Variants in GPC5 observed in about 807,000 individuals in gnomAD.
GPC5 encodes glypican-5.
A neutral mutation model predicts 53.9 loss-of-function variants in GPC5; 47 were observed. The ratio of observed to expected loss-of-function variants is 0.87; its 90% CI spans 0.69 to 1.11. The LOEUF (loss-of-function observed/expected upper bound fraction) is 1.11. GPC5 is among the 50% of genes most tolerant of loss of function. The probability of loss-of-function intolerance (pLI) is 0.00; values close to 1 mark genes in which losing one functional copy is unlikely to be tolerated. For synonymous variants in GPC5, 286 were observed against 263.3 expected (o/e 1.09, Z -0.84); for missense variants, 748 against 713.1 (o/e 1.05, Z -0.56).
intron 7 of GPC5, among the ~76,000 whole-genome samples, chr13:92,458,362 G>A (rs1038306632): frequency 1.3e-5 from 2 of 151,936 alleles, no homozygotes; most frequent in Non-Finnish European, 2.9e-5. Flanking sequence ...GCAGTGGCGC[G>A]ATCTTGACTC....
intron 7 of GPC5, among the ~76,000 whole-genome samples, chr13:92,346,956 G>T (rs142736625): frequency 1.2e-4 from 19 of 152,158 alleles, no homozygotes; most frequent in African/African-American, 4.3e-4. Context: ...AAAAATCAGT[G>T]AGCTGGAAAA....
chr13:92,340,813 C>T (rs947473628), intron 7 of GPC5, among the ~76,000 whole-genome samples: 4 of 152,032 alleles, frequency 2.6e-5, no homozygotes, highest in African/African-American at 9.7e-5. Flanking sequence ...CAACCCAATC[C>T]GGTTTTTATG....
At chr13:91,959,378 G>A (rs2139072606) in intron 6 of GPC5, among the ~76,000 whole-genome samples, 1 of 151,950 alleles carries the variant, frequency 6.6e-6, no homozygotes, top group South Asian at 2.1e-4. Flanking sequence ...CTAATAATGA[G>A]TGATGAGACT....
At chr13:91,965,370 G>T (rs2040171199) in intron 6 of GPC5, among the ~76,000 whole-genome samples, 1 of 152,122 alleles carries the variant, frequency 6.6e-6, no homozygotes. Context: ...CTCATTTGGA[G>T]AAGTGTTTTA....
intron 7 of GPC5, among the ~76,000 whole-genome samples, chr13:92,296,507 C>T (rs1159719386): frequency 6.6e-6 from 1 of 152,140 alleles, no homozygotes; most frequent in Non-Finnish European, 1.5e-5. Context: ...ATGCTGGCAG[C>T]CCTCAGAGCC....
At chr13:91,666,226 A>T (rs1017654827) in intron 2 of GPC5, among the ~76,000 whole-genome samples, 7 of 152,194 alleles carry the variant, frequency 4.6e-5, no homozygotes, top group African/African-American at 1.7e-4. Context: ...TGACACCATG[A>T]TCTCTCAAGA....
chr13:92,543,255 T>C (rs1881986100), intron 7 of GPC5, among the ~76,000 whole-genome samples: 1 of 152,082 alleles, frequency 6.6e-6, no homozygotes, highest in Non-Finnish European at 1.5e-5. Flanking sequence ...TGATCTAGTC[T>C]TTTAAGTTCT....
At chr13:92,201,007 A>ACG (rs1566482137) in intron 7 of GPC5, among the ~76,000 whole-genome samples, 1 of 150,360 alleles carries the variant, frequency 6.7e-6, no homozygotes, top group Non-Finnish European at 1.5e-5. Flanking sequence ...ACACACACAC[A>ACG]CACGCACACA....
intron 7 of GPC5, among the ~76,000 whole-genome samples, chr13:92,238,137 A>C (rs943508487): frequency 1.3e-5 from 2 of 151,908 alleles, no homozygotes; most frequent in African/African-American, 2.4e-5. Context: ...ATTTATGTAC[A>C]TATTTTTGTG....
intron 5 of GPC5, among the ~76,000 whole-genome samples, chr13:91,856,067 T>C (rs1228044187): frequency 2.0e-5 from 3 of 151,600 alleles, no homozygotes; most frequent in Non-Finnish European, 4.4e-5. Context: ...TGTGTCACTA[T>C]TTTTGTTTTA....
chr13:92,056,872 GAAAA>G (rs2041078717), intron 6 of GPC5, among the ~76,000 whole-genome samples: 1 of 152,128 alleles, frequency 6.6e-6, no homozygotes, highest in African/African-American at 2.4e-5. Context: ...AGATAAGGAG[GAAAA>G]TATCAATTCA....
chr13:92,386,858 A>C (rs1336329940), intron 7 of GPC5, among the ~76,000 whole-genome samples: 1 of 152,060 alleles, frequency 6.6e-6, no homozygotes, highest in African/African-American at 2.4e-5. Context: ...ATAGCCATCT[A>C]ATTATTTAAA....
chr13:91,573,223 G>A (rs1274218450), intron 2 of GPC5, among the ~76,000 whole-genome samples: 2 of 152,164 alleles, frequency 1.3e-5, no homozygotes, highest in African/African-American at 4.8e-5. Flanking sequence ...CAATCATGAA[G>A]TAGACTCATA....
intron 7 of GPC5, among the ~76,000 whole-genome samples, chr13:92,717,353 C>T (rs551157856): frequency 9.2e-5 from 14 of 152,176 alleles, no homozygotes; most frequent in African/African-American, 3.4e-4. Context: ...TACACCTCTG[C>T]CGCCAGACAT....
At chr13:92,577,416 A>ATG (rs1455799151) in intron 7 of GPC5, among the ~76,000 whole-genome samples, 8 of 95,602 alleles carry the variant, frequency 8.4e-5, no homozygotes, top group African/African-American at 3.0e-4. Context: ...GTATGTATGT[A>ATG]TATGTGTGTG....
intron 6 of GPC5, among the ~76,000 whole-genome samples, chr13:91,943,254 G>A (rs1468595835): frequency 1.3e-5 from 2 of 151,986 alleles, no homozygotes; most frequent in African/African-American, 4.8e-5. Flanking sequence ...TTAACAAAAT[G>A]CCTCAACAGA....
intron 5 of GPC5, among the ~76,000 whole-genome samples, chr13:91,886,423 A>T (rs572847156): frequency 5.3e-5 from 8 of 152,282 alleles, no homozygotes; most frequent in African/African-American, 9.6e-5. Context: ...CATTCTTCCC[A>T]TGGCACCTCC....
At chr13:92,253,747 G>A (rs760459926) in intron 7 of GPC5, among the ~76,000 whole-genome samples, 4 of 152,066 alleles carry the variant, frequency 2.6e-5, no homozygotes, top group Non-Finnish European at 5.9e-5. Flanking sequence ...TGACTTGAAA[G>A]ATAGTACTAT....
chr13:92,338,640 A>G (rs2043341845), intron 7 of GPC5, among the ~76,000 whole-genome samples: 1 of 152,126 alleles, frequency 6.6e-6, no homozygotes, highest in African/African-American at 2.4e-5. Flanking sequence ...CCAGTCTTAA[A>G]AGGTTATATA....
Sources: allele counts gnomAD v4.1 joint callset (sites outside exome capture counted in the v4.1 genomes callset), GRCh38; gene constraint gnomAD v4.1.1; transcripts MANE v1.5; gene names NCBI Gene and HGNC (gene_info 2026-07-23, HGNC 2026-07-21).